The following ADAMTS18 variants were observed in gnomAD, a reference collection of about 807,000 sequenced individuals.
ADAMTS18 encodes A disintegrin and metalloproteinase with thrombospondin motifs 18.
ADAMTS18 carries 157 observed loss-of-function variants against 165.9 expected under a neutral mutation model. The ratio of observed to expected loss-of-function variants is 0.95; its 90% confidence interval spans 0.83 to 1.08. ADAMTS18 has a LOEUF of 1.08. ADAMTS18 is among the 50% of genes least tolerant of loss of function. The pLI is 0.00. For missense variants in ADAMTS18, 2,040 were observed against 1,534.0 expected, an observed-to-expected ratio of 1.33 and a Z score of -5.51; for synonymous variants, 782 against 578.2, an observed-to-expected ratio of 1.35 and a Z score of -5.06.
chr16:77,394,640 C>G (rs2057233390), intron 3 of ADAMTS18, among the ~76,000 whole-genome samples: 1 of 152,124 alleles, frequency 6.6e-6, no homozygotes, highest in Admixed American at 6.6e-5. Flanking sequence ...TTTGAAATTA[C>G]TTTTTGAATA....
intron 3 of ADAMTS18, among the ~76,000 whole-genome samples, chr16:77,421,499 C>T (rs989727717): frequency 6.6e-6 from 1 of 152,268 alleles, no homozygotes; most frequent in African/African-American, 2.4e-5. Flanking sequence ...TTCTCTTAAA[C>T]TGTTTATTGC....
chr16:77,412,374 A>G (rs1341057804), intron 3 of ADAMTS18, among the ~76,000 whole-genome samples: 1 of 152,052 alleles, frequency 6.6e-6, no homozygotes, highest in Non-Finnish European at 1.5e-5. Flanking sequence ...AACTCAGGCT[A>G]GAGTACAGTG....
intron 3 of ADAMTS18, among the ~76,000 whole-genome samples, chr16:77,430,090 A>C (rs1235279864): frequency 6.6e-6 from 1 of 152,180 alleles, no homozygotes. Flanking sequence ...ACCGGAATAG[A>C]CAGAAGAAAG....
At chr16:77,429,746 G>A (rs1382404197) in intron 3 of ADAMTS18, among the ~76,000 whole-genome samples, 1 of 152,144 alleles carries the variant, frequency 6.6e-6, no homozygotes, top group African/African-American at 2.4e-5. Context: ...GAAGTCCTGA[G>A]AGTGCTAAAC....
At chr16:77,287,556 C>T (rs933246617) in intron 22 of ADAMTS18, among the ~76,000 whole-genome samples, 1 of 152,124 alleles carries the variant, frequency 6.6e-6, no homozygotes, top group African/African-American at 2.4e-5. Flanking sequence ...CGGGTCACTG[C>T]AACCTTCACC....
At chr16:77,298,531 C>A (rs561959872) in intron 17 of ADAMTS18, among the ~76,000 whole-genome samples, 1 of 152,136 alleles carries the variant, frequency 6.6e-6, no homozygotes, top group Admixed American at 6.5e-5. Flanking sequence ...ATGGCTCACA[C>A]TGATAATCCC....
chr16:77,398,797 A>T (rs2057291301), intron 3 of ADAMTS18, among the ~76,000 whole-genome samples: 1 of 152,200 alleles, frequency 6.6e-6, no homozygotes, highest in Admixed American at 6.5e-5. Context: ...CATGGTTGAC[A>T]GCTACTGTTG....
intron 7 of ADAMTS18, 149 bp from the exon 8 acceptor site, chr16:77,359,572 A>C: frequency 1.5e-6 from 1 of 682,860 alleles, no homozygotes; most frequent in Non-Finnish European, 2.6e-6. Flanking sequence ...AAAAAGATCT[A>C]TAGTTCTTTG....
chr16:77,427,123 C>A (rs2057683453), intron 3 of ADAMTS18, among the ~76,000 whole-genome samples: 1 of 152,206 alleles, frequency 6.6e-6, no homozygotes, highest in East Asian at 1.9e-4. Flanking sequence ...TCAGAATCAT[C>A]TGGAGAATTA....
At chr16:77,401,237 C>G (rs2057327895) in intron 3 of ADAMTS18, among the ~76,000 whole-genome samples, 1 of 152,030 alleles carries the variant, frequency 6.6e-6, no homozygotes, top group Admixed American at 6.6e-5. Context: ...CTGGGCAAAA[C>G]AGCTAAACTC....
In ADAMTS18 at chr16:77,353,856, C is replaced by G; in HGVS notation, c.1491G>C (p.Glu497Asp). 1.9e-6 allele frequency: 3 copies of G among 1,614,152 alleles called. No individual in the cohort carries two copies. Among genetic ancestry groups the G allele is most frequent in the Non-Finnish European group, 1.7e-6 (2 of 1,180,028 alleles). The stretch of plus-strand genomic sequence containing the variant: ...ATTTATACTGTCCTGCTTGCTTGGG[C>G]TCATCCACTAGACACCCCGCCTGAG... Reference protein sequence around the residue: ...STPQAGCLVDEPKQAGQYKYP... With the variant: ...STPQAGCLVDDPKQAGQYKYP... The change falls in exon 10 of 23, where the codon GAG becomes GAC. Residue 497 changes from glutamate (E) to aspartate (D), a missense_variant. Coordinates refer to ENST00000282849, the MANE Select transcript of ADAMTS18 (RefSeq NM_199355.4).
intron 3 of ADAMTS18, among the ~76,000 whole-genome samples, chr16:77,422,611 G>T (rs1329155197): frequency 6.6e-6 from 1 of 150,886 alleles, no homozygotes; most frequent in African/African-American, 2.4e-5. Flanking sequence ...GAAGAAAGGA[G>T]AGAAAAAAGG....
intron 10 of ADAMTS18, among the ~76,000 whole-genome samples, chr16:77,351,277 T>C (rs2056551897): frequency 6.6e-6 from 1 of 152,218 alleles, no homozygotes; most frequent in African/African-American, 2.4e-5. Flanking sequence ...CTTAAGCAAG[T>C]CTTTCTCACC....
chr16:77,365,851 G>T (rs2056785802), intron 4 of ADAMTS18, among the ~76,000 whole-genome samples: 2 of 152,174 alleles, frequency 1.3e-5, no homozygotes, highest in South Asian at 4.2e-4. Context: ...ACTCAGGTTG[G>T]CCACTTATGA....
chr16:77,368,050 C>T (rs1197108435), intron 3 of ADAMTS18, among the ~76,000 whole-genome samples: 3 of 152,174 alleles, frequency 2.0e-5, no homozygotes, highest in African/African-American at 7.2e-5. Flanking sequence ...ATCACTTTTA[C>T]ACTTTTTATA....
At chr16:77,329,288 T>A (rs2144657710) in intron 12 of ADAMTS18, among the ~76,000 whole-genome samples, 1 of 152,158 alleles carries the variant, frequency 6.6e-6, no homozygotes, top group East Asian at 1.9e-4. Context: ...AAAATTTTTA[T>A]ACAGATGAGG....
intron 6 of ADAMTS18, among the ~76,000 whole-genome samples, chr16:77,362,566 C>T (rs1327350111): frequency 6.6e-6 from 1 of 152,188 alleles, no homozygotes; most frequent in African/African-American, 2.4e-5. Flanking sequence ...ACCGTTACAA[C>T]TTTTAAAACA....
intron 12 of ADAMTS18, among the ~76,000 whole-genome samples, chr16:77,329,145 A>G (rs2056146167): frequency 6.6e-6 from 1 of 151,596 alleles, no homozygotes; most frequent in Non-Finnish European, 1.5e-5. Flanking sequence ...TTGCTCTATC[A>G]CCCAGGCTGG....
At chr16:77,286,652 T>C (rs1233873351) in intron 22 of ADAMTS18, among the ~76,000 whole-genome samples, 2 of 152,152 alleles carry the variant, frequency 1.3e-5, no homozygotes, top group African/African-American at 4.8e-5. Flanking sequence ...GGGTCCTTGC[T>C]CCTTCCACTG....
Sources: gnomAD v4.1 joint callset for allele counts (sites outside exome capture counted in the v4.1 genomes callset) on GRCh38, gnomAD v4.1.1 for gene constraint, MANE v1.5 for transcripts, NCBI Gene and HGNC (gene_info 2026-07-23, HGNC 2026-07-21) for gene names.